Variants in ITGA11 observed in about 807,000 individuals in gnomAD.
ITGA11 encodes the protein integrin alpha-11.
ITGA11 carries 97 observed loss-of-function variants against 141.9 expected under a neutral mutation model. The ratio of observed to expected loss-of-function variants is 0.68; its 90% CI spans 0.58 to 0.81. The LOEUF (loss-of-function observed/expected upper bound fraction) is 0.81. Among genes scored for constraint, ITGA11 ranks in the 30% least tolerant of loss-of-function variants. The pLI is 0.00. For missense variants in ITGA11, 1,387 were observed against 1,559.2 expected, an observed-to-expected ratio of 0.89 and a Z score of 1.86; for synonymous variants, 658 against 624.6, an observed-to-expected ratio of 1.05 and a Z score of -0.80.
At chr15:68,312,674 G>T in intron 24 of ITGA11, 99 bp downstream of exon 24, 2 of 866,510 alleles carry the variant, frequency 2.3e-6, no homozygotes, top group Non-Finnish European at 3.6e-6. Flanking sequence ...GTTGAGGCTG[G>T]ACTCCGGGCA....
At chr15:68,420,920 A>G (rs1327832197) in intron 1 of ITGA11, among the ~76,000 whole-genome samples, 1 of 152,174 alleles carries the variant, frequency 6.6e-6, no homozygotes. Context: ...GAGTTTATGC[A>G]TGTGAATGCA....
intron 2 of ITGA11, among the ~76,000 whole-genome samples, chr15:68,373,080 C>T (rs1895637157): frequency 6.6e-6 from 1 of 152,144 alleles, no homozygotes; most frequent in African/African-American, 2.4e-5. Flanking sequence ...TACAGTCCAG[C>T]ATAGTCCCTG....
chr15:68,391,490 G>T (rs1896121407), intron 2 of ITGA11, among the ~76,000 whole-genome samples: 1 of 152,188 alleles, frequency 6.6e-6, no homozygotes, highest in South Asian at 2.1e-4. Flanking sequence ...AGTCTGGCTG[G>T]GTTTCTGCTG....
At chr15:68,405,194 A>G (rs1314830284) in intron 1 of ITGA11, among the ~76,000 whole-genome samples, 2 of 136,570 alleles carry the variant, frequency 1.5e-5, no homozygotes, top group Non-Finnish European at 3.1e-5. Context: ...AACACATAAC[A>G]GTAGCCAAAA....
chr15:68,318,865 G>A (rs1020085169), intron 20 of ITGA11, among the ~76,000 whole-genome samples: 14 of 152,146 alleles, frequency 9.2e-5, no homozygotes, highest in African/African-American at 3.1e-4. Context: ...GTGTCTGAGG[G>A]CCCTAGGACC....
intron 1 of ITGA11, among the ~76,000 whole-genome samples, chr15:68,418,538 TA>T (rs1370516197): frequency 1.3e-5 from 2 of 152,146 alleles, no homozygotes; most frequent in Non-Finnish European, 2.9e-5. Context: ...AAAGCCCATT[TA>T]TGTACACCTT....
In ITGA11 at chr15:68,364,751, G is replaced by T. The variant is rs760770453; in HGVS notation, c.313C>A (p.Leu105Ile). 10 of 1,613,676 alleles carry T rather than the reference G, an allele frequency of 6.2e-6. No homozygotes were observed. The Admixed American group carries it at 8.3e-5, about 13-fold the overall frequency. ...GGGTTGGTGGCGAGACTAAGGCCGAGGCGCATGTTGTCTTTCCGCTCGGAC... is the reference window on the plus strand; with the variant it reads ...GGGTTGGTGGCGAGACTAAGGCCGATGCGCATGTTGTCTTTCCGCTCGGAC... ...NVSERKDNMRLGLSLATNPKD... is the reference protein window; with the variant it reads ...NVSERKDNMRIGLSLATNPKD... Residue 105 changes from leucine (L) to isoleucine (I), a missense_variant, in exon 4 of 30, where the codon CTC (leucine) becomes ATC (isoleucine). Coordinates refer to ENST00000315757, the MANE Select transcript of ITGA11 (RefSeq NM_001004439.2).
chr15:68,307,477 T>G lies in ITGA11; in HGVS notation c.3286-34A>C. ...TCAGAGGGCTCGTCAGAAGCTGGCT[T>G]GGAAGCTTTTCTTCCCGTCCCCTCC... On this transcript the variant is annotated intron_variant, in intron 27 of 29. Coordinates refer to ENST00000315757, the MANE Select transcript of ITGA11 (RefSeq NM_001004439.2). The surrounding 1 kb of genome is among the most constrained non-coding windows in gnomAD (Gnocchi z 6.1). 6.5e-7 allele frequency: 1 copy of G among 1,541,108 alleles called. No individual in the cohort carries two copies. The highest frequency in any genetic ancestry group is 8.8e-7 in the Non-Finnish European group (1 of 1,136,294).
chr15:68,312,822 G>A lies in ITGA11; in HGVS notation c.2924C>T (p.Ser975Leu), dbSNP rs267604299. 20 of 1,613,694 alleles carry A rather than the reference G, an allele frequency of 1.2e-5. No homozygotes were observed. Among genetic ancestry groups the A allele is most frequent in the Admixed American group, 1.7e-5 (1 of 60,002 alleles). The change falls in exon 24 of 30, where the codon TCG becomes TTG. Residue 975 changes from serine to leucine, a missense_variant. Coordinates refer to ENST00000315757, the MANE Select transcript of ITGA11 (RefSeq NM_001004439.2). ...LSHYEVKPNS[S>L]LERYDGIGPP... Reference sequence around the variant, plus strand: ...CCCGATACCATCGTATCTCTCCAGCGAGCTGTTGGGCTTGACCTCGTAGTG... The same window carrying A: ...CCCGATACCATCGTATCTCTCCAGCAAGCTGTTGGGCTTGACCTCGTAGTG...
At chr15:68,312,637 A>G (rs917078449) in intron 24 of ITGA11, 136 bp downstream of exon 24, 1 of 635,946 alleles carries the variant, frequency 1.6e-6, no homozygotes, top group South Asian at 1.9e-5. Flanking sequence ...TGACTTGACT[A>G]AAGTCGCACA....
chr15:68,348,732 C>T, intron 10 of ITGA11, 98 bp downstream of exon 10: 3 of 1,052,278 alleles, frequency 2.9e-6, no homozygotes, highest in Non-Finnish European at 4.3e-6. Context: ...GCCAACCCAT[C>T]TGTGAAGGTG....
intron 1 of ITGA11, among the ~76,000 whole-genome samples, chr15:68,428,636 C>G (rs527582553): frequency 1.3e-5 from 2 of 152,314 alleles, no homozygotes; most frequent in East Asian, 3.9e-4. Flanking sequence ...TTCCCTTCTT[C>G]CCTGCTCTCC....
In ITGA11 at chr15:68,416,653, C is replaced by T. The variant is rs188609553; in HGVS notation, c.53-13624G>A. 1.2e-4 allele frequency among the ~76,000 whole-genome samples: 18 copies of T among 152,272 alleles called. 1 individual carries two copies. Among genetic ancestry groups the T allele is most frequent in the Middle Eastern group, 6.8e-3 (2 of 294 alleles). On this transcript the variant is annotated intron_variant, in intron 1 of 29. Transcript: ENST00000315757. ...CAAGAACAAGGGTCATGGCTGGGTG[C>T]GGTGGCTCACACCTATAATCCTAGC...
intron 1 of ITGA11, among the ~76,000 whole-genome samples, chr15:68,408,600 G>A (rs1462532575): frequency 4.6e-5 from 7 of 152,124 alleles, no homozygotes; most frequent in Admixed American, 1.3e-4. Context: ...GGTTGTTAGA[G>A]AGAAGGACCC....
Position 68,432,094 on chromosome 15 carries a change from T to C in ITGA11, c.-28A>G. On this transcript the variant is annotated 5_prime_UTR_variant, in exon 1 of 30. Transcript: ENST00000315757. ...CCCGCGGCACGGCGGCTGGGTCCGG[T>C]GTGCAGCGGCGGCGGGGGGCGGCAA... The C allele has an allele frequency of 7.3e-7, 1 of 1,360,586 alleles. No homozygotes were observed. The highest frequency in any genetic ancestry group is 9.4e-7 in the Non-Finnish European group (1 of 1,059,252). 84.3% of individuals were successfully genotyped at this position (1,360,586 alleles called of 1,614,324 possible).
rs1222054127 is a variant in ITGA11 at position 68,325,635 on chromosome 15, C to T, written c.2212-394G>A. ...CTCATGTAGCATTTGAACCATATGACTGTGTGTCACTCTTCCTTCCCAAGC... is the reference window on the plus strand; with the variant it reads ...CTCATGTAGCATTTGAACCATATGATTGTGTGTCACTCTTCCTTCCCAAGC... On this transcript the variant is annotated intron_variant, in intron 17 of 29. Coordinates refer to ENST00000315757, the MANE Select transcript of ITGA11 (RefSeq NM_001004439.2). This position sits in a 1 kb window ranked among gnomAD's most constrained non-coding sequence, Gnocchi z 5.5. Among the ~76,000 whole-genome samples, 5 of 152,144 alleles carry T rather than the reference C, an allele frequency of 3.3e-5. No homozygotes were observed. Among genetic ancestry groups the T allele is most frequent in the Non-Finnish European group, 7.3e-5 (5 of 68,034 alleles).
chr15:68,432,129 G>T lies in ITGA11; in HGVS notation c.-63C>A. 2 of 1,248,474 alleles carry T rather than the reference G, an allele frequency of 1.6e-6. No homozygotes were observed. The highest frequency in any genetic ancestry group is 2.1e-6 in the Non-Finnish European group (2 of 971,818). 77.3% of individuals were successfully genotyped at this position (1,248,474 alleles called of 1,614,324 possible). ...CGGCGGGGGGCGGCAAGCCAGAGCGGCAGCCTCCTCGGCGCGGCGCCTGCA... is the reference window on the plus strand; with the variant it reads ...CGGCGGGGGGCGGCAAGCCAGAGCGTCAGCCTCCTCGGCGCGGCGCCTGCA... On this transcript the variant is annotated 5_prime_UTR_variant, in exon 1 of 30. Transcript: ENST00000315757.
At chr15:68,390,021 T>G (rs1243363560) in intron 2 of ITGA11, among the ~76,000 whole-genome samples, 1 of 152,218 alleles carries the variant, frequency 6.6e-6, no homozygotes, top group East Asian at 1.9e-4. Context: ...TAAATTTCTC[T>G]GAAAATACAC....
intron 8 of ITGA11, 113 bp from the exon 9 acceptor site, chr15:68,350,895 G>A (rs1894888887): frequency 1.9e-6 from 2 of 1,059,498 alleles, no homozygotes; most frequent in African/African-American, 1.6e-5. Context: ...AGGGCCGGTA[G>A]CCATGAGAGT....
Sources: allele counts gnomAD v4.1 joint callset (sites outside exome capture counted in the v4.1 genomes callset), GRCh38; gene constraint gnomAD v4.1.1; non-coding constraint Gnocchi (gnomAD v3.1); transcripts MANE v1.5; gene names NCBI Gene and HGNC (gene_info 2026-07-23, HGNC 2026-07-21).